Variants in NECAB1 observed in about 807,000 individuals in gnomAD.
NECAB1 encodes N-terminal EF-hand calcium binding protein 1.
NECAB1 carries 29 observed loss-of-function variants against 57.5 expected under a neutral mutation model. The ratio of observed to expected loss-of-function variants is 0.50; its 90% CI spans 0.38 to 0.69. The LOEUF (loss-of-function observed/expected upper bound fraction) is 0.69, where lower values mean the gene tolerates loss of function less well. Among genes scored for constraint, NECAB1 ranks in the 30% least tolerant of loss-of-function variants. The probability of loss-of-function intolerance (pLI) is 0.00; values close to 1 mark genes in which losing one functional copy is unlikely to be tolerated. For synonymous variants in NECAB1, 142 were observed against 147.7 expected (o/e 0.96, Z 0.28); for missense variants, 372 against 413.8 (o/e 0.90, Z 0.88).
At chr8:90,933,498 T>C (rs1810458130) in intron 8 of NECAB1, among the ~76,000 whole-genome samples, 1 of 152,170 alleles carries the variant, frequency 6.6e-6, no homozygotes, top group South Asian at 2.1e-4. Context: ...CCATTCTATA[T>C]TCTCACTCAT....
chr8:90,794,783 G>C (rs1811633696), intron 1 of NECAB1, among the ~76,000 whole-genome samples: 2 of 152,208 alleles, frequency 1.3e-5, no homozygotes, highest in Non-Finnish European at 2.9e-5. Flanking sequence ...GGTTATTTCA[G>C]TGCTGCACAC....
rs376143197 is a variant in NECAB1 at position 90,940,770 on chromosome 8, G to A, written c.748-16G>A. ...CGTGACAGCCAACGCAGTGACCCTC[G>A]CCCCTTCCTTGGCAGCACATCATGC... On this transcript the variant is annotated splice_polypyrimidine_tract_variant and intron_variant, in intron 9 of 12. Transcript: ENST00000417640. 1.8e-4 allele frequency: 285 copies of A among 1,550,072 alleles called. 1 individual carries two copies. Among genetic ancestry groups the A allele is most frequent in the Non-Finnish European group, 2.2e-4 (256 of 1,145,298 alleles).
chr8:90,814,629 C>T (rs1226690735), intron 2 of NECAB1, among the ~76,000 whole-genome samples: 1 of 151,976 alleles, frequency 6.6e-6, no homozygotes, highest in African/African-American at 2.4e-5. Flanking sequence ...TTTTGTTCTT[C>T]AAATTTTCCC....
chr8:90,846,012 C>G (rs1414126900), intron 3 of NECAB1, among the ~76,000 whole-genome samples: 3 of 152,170 alleles, frequency 2.0e-5, no homozygotes, highest in African/African-American at 4.8e-5. Flanking sequence ...CCTGGTACAT[C>G]TTAAATTATC....
rs1422638167 is a variant in NECAB1 at position 90,925,599 on chromosome 8, G to C, written c.559G>C (p.Val187Leu). The C allele has an allele frequency of 6.2e-7, 1 of 1,613,710 alleles. No homozygotes were observed. The highest frequency in any genetic ancestry group is 2.2e-5 in the East Asian group (1 of 44,838). Residue 187 changes from valine (V) to leucine (L), a missense_variant, in exon 7 of 13, where the codon GTC becomes CTC. Physicochemically the swap from Val to Leu is conservative, Grantham distance 32. Coordinates refer to ENST00000417640, the MANE Select transcript of NECAB1 (RefSeq NM_022351.5). ...QWPGKRSSRR[V>L]QRHNSFSPNS... ...GCCTGGAAAACGATCAAGCCGCCGA[G>C]TCCAGAGACACAACAGCTTCTCCCC...
intron 3 of NECAB1, among the ~76,000 whole-genome samples, chr8:90,854,979 T>C (rs565175660): frequency 6.6e-6 from 1 of 152,340 alleles, no homozygotes; most frequent in African/African-American, 2.4e-5. Flanking sequence ...CATTATCTAC[T>C]GTAAAAGGGG....
chr8:90,889,962 T>TGA (rs747717084), intron 5 of NECAB1, among the ~76,000 whole-genome samples: 1 of 151,400 alleles, frequency 6.6e-6, no homozygotes, highest in African/African-American at 2.4e-5. Context: ...TGTGTGTGAG[T>TGA]GTGTGTGTGT....
intron 4 of NECAB1, among the ~76,000 whole-genome samples, chr8:90,874,582 C>T (rs964807080): frequency 4.2e-4 from 64 of 152,180 alleles, no homozygotes; most frequent in African/African-American, 1.4e-3. Flanking sequence ...TATATGTGTA[C>T]GTGTTGTTGT....
intron 3 of NECAB1, among the ~76,000 whole-genome samples, chr8:90,850,343 A>G (rs951881200): frequency 6.6e-5 from 10 of 152,370 alleles, no homozygotes; most frequent in African/African-American, 2.2e-4. Context: ...AGTAACTTAA[A>G]GATGGTCCTG....
intron 2 of NECAB1, among the ~76,000 whole-genome samples, chr8:90,816,636 T>C (rs1377032711): frequency 6.6e-6 from 1 of 151,856 alleles, no homozygotes; most frequent in East Asian, 1.9e-4. Context: ...ATCAGTTGAC[T>C]ATACTAGTGT....
intron 3 of NECAB1, among the ~76,000 whole-genome samples, chr8:90,871,069 G>A (rs960152012): frequency 4.6e-5 from 7 of 152,090 alleles, no homozygotes; most frequent in African/African-American, 1.2e-4. Flanking sequence ...TTATACCAAT[G>A]CCTCTCCTGG....
intron 3 of NECAB1, among the ~76,000 whole-genome samples, chr8:90,851,977 C>T: frequency 6.6e-6 from 1 of 151,536 alleles, no homozygotes; most frequent in African/African-American, 2.4e-5. Flanking sequence ...TGTTTCTTTA[C>T]TTCCCCAGTA....
At chr8:90,871,448 A>G (rs1405319280) in intron 3 of NECAB1, among the ~76,000 whole-genome samples, 1 of 152,106 alleles carries the variant, frequency 6.6e-6, no homozygotes, top group African/African-American at 2.4e-5. Flanking sequence ...CATGTATTAT[A>G]TTTGCTAATA....
At chr8:90,947,312 A>ACG (rs1810830762) in intron 10 of NECAB1, among the ~76,000 whole-genome samples, 1 of 142,614 alleles carries the variant, frequency 7.0e-6, no homozygotes, top group African/African-American at 2.6e-5. Context: ...ATACACACAC[A>ACG]CACACACACA....
intron 2 of NECAB1, among the ~76,000 whole-genome samples, chr8:90,814,473 G>T (rs550630124): frequency 3.5e-4 from 54 of 152,124 alleles, no homozygotes; most frequent in Non-Finnish European, 1.5e-4. Flanking sequence ...TTTGATGGTT[G>T]AGTATTTCCA....
chr8:90,928,447 T>C (rs1810330305), intron 8 of NECAB1, 148 bp downstream of exon 8: 1 of 552,220 alleles, frequency 1.8e-6, no homozygotes, highest in East Asian at 3.4e-5. Context: ...TGGTAGTTAT[T>C]TGAGGTTTTT....
chr8:90,847,302 A>ACATC (rs1812586206), intron 3 of NECAB1, among the ~76,000 whole-genome samples: 1 of 152,252 alleles, frequency 6.6e-6, no homozygotes, highest in African/African-American at 2.4e-5. Context: ...TCTGTGTCTC[A>ACATC]CATCCAGGTC....
At chr8:90,840,369 A>G (rs151259291) in intron 3 of NECAB1, among the ~76,000 whole-genome samples, 12 of 152,350 alleles carry the variant, frequency 7.9e-5, no homozygotes, top group Admixed American at 2.0e-4. Flanking sequence ...TTTGCACATA[A>G]GGAACCTGAG....
intron 3 of NECAB1, among the ~76,000 whole-genome samples, chr8:90,831,616 C>T (rs1812299734): frequency 6.6e-6 from 1 of 152,098 alleles, no homozygotes; most frequent in South Asian, 2.1e-4. Context: ...GGTTCTATCC[C>T]CTGACACCCT....
Sources: gnomAD v4.1 joint callset for allele counts (sites outside exome capture counted in the v4.1 genomes callset) on GRCh38, gnomAD v4.1.1 for gene constraint, MANE v1.5 for transcripts, NCBI Gene and HGNC (gene_info 2026-07-23, HGNC 2026-07-21) for gene names.